Variants in RPS6KA5 observed in about 807,000 individuals in gnomAD.
RPS6KA5 encodes the protein ribosomal protein S6 kinase alpha-5.
A neutral mutation model predicts 85.5 loss-of-function variants in RPS6KA5; 27 were observed. The observed-to-expected ratio is 0.32, with a 90% CI of 0.23 to 0.44. RPS6KA5 has a LOEUF of 0.44. Ranked by LOEUF, RPS6KA5 falls within the 20% of genes least tolerant of loss-of-function variation. The probability of loss-of-function intolerance (pLI) is 1.00; values close to 1 mark genes in which losing one functional copy is unlikely to be tolerated. For synonymous variants in RPS6KA5, 334 were observed against 348.2 expected (o/e 0.96, Z 0.46); for missense variants, 811 against 980.9 (o/e 0.83, Z 2.31).
chr14:91,041,920 A>G (rs930939532), intron 1 of RPS6KA5, among the ~76,000 whole-genome samples: 2 of 152,250 alleles, frequency 1.3e-5, no homozygotes, highest in Admixed American at 1.3e-4. Flanking sequence ...ACAAATGCTT[A>G]TAAAGCAGTA....
chr14:90,929,781 C>T (rs1030927088), intron 5 of RPS6KA5, among the ~76,000 whole-genome samples: 12 of 151,970 alleles, frequency 7.9e-5, no homozygotes, highest in African/African-American at 2.7e-4. Context: ...GGACGAAGGT[C>T]GGGGGAAAGG....
chr14:90,988,961 T>C (rs2040187711), intron 2 of RPS6KA5, among the ~76,000 whole-genome samples: 1 of 152,100 alleles, frequency 6.6e-6, no homozygotes, highest in Non-Finnish European at 1.5e-5. Context: ...TTCTCACTTG[T>C]TAAATTTTTA....
rs191684845 is a variant in RPS6KA5 at position 90,858,988 on chromosome 14, G to T, written c.*13086C>A. The T allele has an allele frequency of 1.3e-5, 2 of 152,220 alleles. No homozygotes were observed. The highest frequency in any genetic ancestry group is 4.8e-5 in the African/African-American group (2 of 41,446). 9.4% of individuals were successfully genotyped at this position (152,220 alleles called of 1,614,324 possible). The stretch of plus-strand genomic sequence containing the variant: ...TGCAGACTCCTGTGCAACAAGGTGA[G>T]ACTTCAAGAAATCCAGCAAAAAGCA... On this transcript the variant is annotated 3_prime_UTR_variant, in exon 17 of 17. Transcript: ENST00000614987.
At chr14:90,898,625 T>C (rs939104311) in intron 12 of RPS6KA5, among the ~76,000 whole-genome samples, 1 of 152,244 alleles carries the variant, frequency 6.6e-6, no homozygotes, top group Non-Finnish European at 1.5e-5. Context: ...GATTGGTTTG[T>C]GCTCTTGTGC....
chr14:90,852,083 CTTTTTTTTTTTTTTT>C lies in RPS6KA5; in HGVS notation c.*19976_*19990del, dbSNP rs35995184. ...TCGGTATCTTTTCTTTAAAAAATCA[CTTTTTTTTTTTTTTT>C]TTTTTTTTTAAGACGGAGTCTCGCT... On this transcript the variant is annotated 3_prime_UTR_variant, in exon 17 of 17. Transcript: ENST00000614987. 1 of 94,946 alleles carries C rather than the reference CTTTTTTTTTTTTTTT, an allele frequency of 1.1e-5. No homozygotes were observed. The highest frequency in any genetic ancestry group is 2.0e-5 in the Non-Finnish European group (1 of 49,870). The allele number at this position is 94,946 out of a possible 1,614,324, so 5.9% of individuals were successfully genotyped here.
chr14:90,985,649 C>T (rs751839292), intron 2 of RPS6KA5, among the ~76,000 whole-genome samples: 12 of 152,320 alleles, frequency 7.9e-5, no homozygotes, highest in Non-Finnish European at 1.8e-4. Flanking sequence ...TTAAAAAATA[C>T]AGTAGAAATG....
At chr14:90,980,720 A>G (rs1240900580) in intron 2 of RPS6KA5, among the ~76,000 whole-genome samples, 1 of 152,244 alleles carries the variant, frequency 6.6e-6, no homozygotes, top group Non-Finnish European at 1.5e-5. Context: ...ACTTAAGTGA[A>G]TGACCTCATA....
rs2035045319 is a variant in RPS6KA5, at chr14:90,899,632, A to C, written c.1380-210T>G. Among the ~76,000 whole-genome samples, 9 of 152,248 alleles carry C rather than the reference A, an allele frequency of 5.9e-5. No individual in the cohort carries two copies. In the South Asian group the frequency reaches 1.9e-3, roughly 31 times the overall value. ...AAAATTATTATTTCTGAGTCAGAAA[A>C]GTACAAATCATATGAGGAAATGAAT... On this transcript the variant is annotated intron_variant, in intron 11 of 16. Coordinates refer to ENST00000614987, the MANE Select transcript of RPS6KA5 (RefSeq NM_004755.4).
At chr14:91,007,710 T>TG (rs1566857074) in intron 1 of RPS6KA5, among the ~76,000 whole-genome samples, 1 of 36,328 alleles carries the variant, frequency 2.8e-5, no homozygotes, top group Non-Finnish European at 6.8e-5. Flanking sequence ...TACTATTTTG[T>TG]TTTTTTTTTT....
chr14:90,953,083 T>A (rs1381095464), intron 3 of RPS6KA5, among the ~76,000 whole-genome samples: 1 of 152,106 alleles, frequency 6.6e-6, no homozygotes, highest in African/African-American at 2.4e-5. Flanking sequence ...CACATTTATA[T>A]AAAAAGAAAG....
intron 3 of RPS6KA5, among the ~76,000 whole-genome samples, chr14:90,963,690 A>G (rs78798291): frequency 0.019 from 2,818 of 152,318 alleles, 37 homozygotes; most frequent in Middle Eastern, 0.031. Flanking sequence ...CACACTTTAC[A>G]TAGATCATTC....
chr14:91,033,618 T>A (rs1411625622), intron 1 of RPS6KA5, among the ~76,000 whole-genome samples: 2 of 152,018 alleles, frequency 1.3e-5, no homozygotes, highest in African/African-American at 4.8e-5. Context: ...AAAATAAAAA[T>A]AAAAACTGTT....
intron 1 of RPS6KA5, among the ~76,000 whole-genome samples, chr14:91,008,504 C>A (rs1037435932): frequency 6.6e-6 from 1 of 152,182 alleles, no homozygotes; most frequent in Admixed American, 6.5e-5. Flanking sequence ...AGAGTGCCTA[C>A]TAAAGGCCAA....
At chr14:90,963,246 A>T (rs1174526599) in intron 3 of RPS6KA5, among the ~76,000 whole-genome samples, 2 of 152,206 alleles carry the variant, frequency 1.3e-5, no homozygotes, top group Non-Finnish European at 2.9e-5. Context: ...ATAGCAATAA[A>T]ATGATGTTAC....
Position 91,030,611 on chromosome 14 carries a change from G to GAAAAAAAAAAAAAAAAAAA in RPS6KA5, c.104-29471_104-29453dup, listed in dbSNP as rs58737573. On this transcript the variant is annotated intron_variant, in intron 1 of 16. Transcript: ENST00000614987. ...AACATGCAAGACACCAAAATAAACAGAAAAAAAAAAAAAAAAAAAAAAAAA... is the reference window on the plus strand; with the variant it reads ...AACATGCAAGACACCAAAATAAACAGAAAAAAAAAAAAAAAAAAAAAAAAAAAAAAAAAAAAAAAAAAAA... Among the ~76,000 whole-genome samples the GAAAAAAAAAAAAAAAAAAA allele has an allele frequency of 1.8e-3, 40 of 22,078 alleles. 3 individuals carry two copies. The highest frequency in any genetic ancestry group is 6.3e-3 in the East Asian group (2 of 318). 14.5% of individuals were successfully genotyped at this position (22,078 alleles called of 152,430 possible).
At chr14:91,021,468 C>T (rs761732330) in intron 1 of RPS6KA5, among the ~76,000 whole-genome samples, 1 of 152,086 alleles carries the variant, frequency 6.6e-6, no homozygotes, top group Admixed American at 6.6e-5. Context: ...CAGTAAGATC[C>T]GTCTCTATTT....
intron 14 of RPS6KA5, among the ~76,000 whole-genome samples, chr14:90,883,480 T>C (rs565227819): frequency 4.3e-4 from 65 of 152,322 alleles, no homozygotes; most frequent in African/African-American, 1.5e-3. Flanking sequence ...CTTTTCATTT[T>C]CTTTTCAGGT....
chr14:91,034,467 C>T (rs2042316661), intron 1 of RPS6KA5, among the ~76,000 whole-genome samples: 1 of 151,974 alleles, frequency 6.6e-6, no homozygotes, highest in Admixed American at 6.6e-5. Flanking sequence ...AGCTAAAGGA[C>T]TGTAAATGCA....
intron 1 of RPS6KA5, among the ~76,000 whole-genome samples, chr14:91,026,105 G>T (rs147358823): frequency 6.6e-6 from 1 of 152,258 alleles, no homozygotes; most frequent in African/African-American, 2.4e-5. Flanking sequence ...TGTTAATTCT[G>T]TTCCGGAATT....
Sources: allele counts gnomAD v4.1 joint callset (sites outside exome capture counted in the v4.1 genomes callset), GRCh38; gene constraint gnomAD v4.1.1; transcripts MANE v1.5; gene names NCBI Gene and HGNC (gene_info 2026-07-23, HGNC 2026-07-21).